The following AAGAB variants were observed in gnomAD, a reference collection of about 807,000 sequenced individuals.
AAGAB encodes the protein alpha- and gamma-adaptin-binding protein p34.
A neutral mutation model predicts 44.1 loss-of-function variants in AAGAB; 38 were observed. The ratio of observed to expected loss-of-function variants is 0.86; its 90% CI spans 0.67 to 1.13. The LOEUF is 1.13. AAGAB is among the 50% of genes most tolerant of loss of function. The pLI, the probability that AAGAB is intolerant of heterozygous loss-of-function variation, is 0.00. For missense variants in AAGAB, 450 were observed against 373.8 expected (o/e 1.20, Z -1.68); for synonymous variants, 131 against 131.8 (o/e 0.99, Z 0.04).
intron 1 of AAGAB, among the ~76,000 whole-genome samples, chr15:67,241,832 A>G (rs1964606979): frequency 6.6e-6 from 1 of 152,186 alleles, no homozygotes; most frequent in African/African-American, 2.4e-5. Flanking sequence ...TGCACTGAGG[A>G]GTTAGTAAGA....
chr15:67,222,242 G>GCGCGCGCGCACACA (rs1367738219), intron 5 of AAGAB, among the ~76,000 whole-genome samples: 2 of 90,044 alleles, frequency 2.2e-5, no homozygotes, highest in African/African-American at 3.8e-5. Flanking sequence ...GCGCGCGCGC[G>GCGCGCGCGCACACA]CACACACACA....
At chr15:67,237,840 T>C (rs1964507000) in intron 1 of AAGAB, among the ~76,000 whole-genome samples, 1 of 152,152 alleles carries the variant, frequency 6.6e-6, no homozygotes. Context: ...ATTAATGAAA[T>C]GTGCCTCAAA....
At chr15:67,229,442 A>G (rs1395312235) in intron 5 of AAGAB, among the ~76,000 whole-genome samples, 1 of 151,990 alleles carries the variant, frequency 6.6e-6, no homozygotes, top group East Asian at 1.9e-4. Flanking sequence ...TAAAAAAAAA[A>G]AAAAAAGAGT....
At chr15:67,222,238 G>A (rs369960592) in intron 5 of AAGAB, among the ~76,000 whole-genome samples, 761 of 45,668 alleles carry the variant, frequency 0.017, 2 homozygotes, top group Non-Finnish European at 0.018. Context: ...GCACGCGCGC[G>A]CGCGCACACA....
intron 5 of AAGAB, among the ~76,000 whole-genome samples, chr15:67,217,892 G>A (rs1342298574): frequency 2.0e-5 from 3 of 152,136 alleles, no homozygotes; most frequent in African/African-American, 4.8e-5. Context: ...TCCTTGAATT[G>A]GAATCTGAGA....
At chr15:67,223,794 AG>A (rs1203350687) in intron 5 of AAGAB, among the ~76,000 whole-genome samples, 1 of 152,210 alleles carries the variant, frequency 6.6e-6, no homozygotes, top group Admixed American at 6.5e-5. Context: ...CAAATAATCT[AG>A]CCCTTCGTTA....
chr15:67,254,950 G>A (rs775030011), upstream of AAGAB: 19 of 1,612,986 alleles, frequency 1.2e-5, no homozygotes, highest in Admixed American at 8.3e-5. Context: ...TAATCCAGGT[G>A]GGAAACGGGC....
intron 1 of AAGAB, among the ~76,000 whole-genome samples, chr15:67,237,286 A>G (rs1215743398): frequency 1.3e-5 from 2 of 152,226 alleles, no homozygotes; most frequent in Non-Finnish European, 2.9e-5. Context: ...AGAGCTACAT[A>G]TATTTCTTGG....
intron 1 of AAGAB, among the ~76,000 whole-genome samples, chr15:67,244,862 A>C (rs1323135430): frequency 6.6e-6 from 1 of 152,130 alleles, no homozygotes; most frequent in African/African-American, 2.4e-5. Context: ...TAGACATTTC[A>C]CCAAAGAAGA....
At chr15:67,215,518 GT>G (rs1337199299) in intron 5 of AAGAB, among the ~76,000 whole-genome samples, 1 of 152,130 alleles carries the variant, frequency 6.6e-6, no homozygotes, top group East Asian at 1.9e-4. Context: ...ATCTTAAGAA[GT>G]TTTTTCCATA....
intron 5 of AAGAB, among the ~76,000 whole-genome samples, chr15:67,226,154 T>C (rs1016698748): frequency 2.0e-5 from 3 of 152,012 alleles, no homozygotes; most frequent in African/African-American, 2.4e-5. Context: ...TTAATACGAA[T>C]TGGGGTCTCA....
upstream of AAGAB, chr15:67,254,848 G>T: frequency 1.3e-6 from 2 of 1,585,494 alleles, no homozygotes; most frequent in South Asian, 1.1e-5. Context: ...GAAGGTTTCC[G>T]TGCTTGGAAA....
intron 6 of AAGAB, 92 bp downstream of exon 6, chr15:67,209,370 G>T: frequency 9.0e-7 from 1 of 1,109,088 alleles, no homozygotes; most frequent in South Asian, 1.3e-5. Context: ...CTTTTAAATG[G>T]AAAGGAAAAC....
rs555474332 is a variant in AAGAB, at chr15:67,232,988, C to T, written c.452-1091G>A. ...TAAGGCAGTTATATAATAAAGTTAT[C>T]CTCACCAATGGAATCTATTTATATT... On this transcript the variant is annotated intron_variant, in intron 4 of 9. Coordinates refer to ENST00000261880, the MANE Select transcript of AAGAB (RefSeq NM_024666.5). 9.9e-5 allele frequency among the ~76,000 whole-genome samples: 15 copies of T among 152,270 alleles called. No individual in the cohort carries two copies. The South Asian group carries it at 1.4e-3, about 15-fold the overall frequency.
At chr15:67,251,322 C>T (rs925532644) in intron 1 of AAGAB, among the ~76,000 whole-genome samples, 4 of 152,094 alleles carry the variant, frequency 2.6e-5, no homozygotes, top group African/African-American at 9.7e-5. Context: ...CAACTCACTA[C>T]AGCCTCGATC....
chr15:67,222,224 A>ACG (rs1161154655), intron 5 of AAGAB, among the ~76,000 whole-genome samples: 46 of 111,962 alleles, frequency 4.1e-4, no homozygotes, highest in South Asian at 2.2e-3. Flanking sequence ...ACATGCATGC[A>ACG]CGCGCACGCG....
intron 3 of AAGAB, 118 bp from the exon 4 acceptor site, chr15:67,236,186 C>T: frequency 1.1e-6 from 1 of 880,094 alleles, no homozygotes; most frequent in Admixed American, 2.7e-5. Flanking sequence ...ATTCTAAAGG[C>T]ATCTAAAATA....
chr15:67,228,474 C>G (rs890640006), intron 5 of AAGAB, among the ~76,000 whole-genome samples: 2 of 152,150 alleles, frequency 1.3e-5, no homozygotes, highest in Admixed American at 6.5e-5. Flanking sequence ...CAGAAAATAA[C>G]GGATGTTGGT....
At chr15:67,205,161 C>T (rs1963657646) in intron 7 of AAGAB, among the ~76,000 whole-genome samples, 1 of 152,222 alleles carries the variant, frequency 6.6e-6, no homozygotes, top group African/African-American at 2.4e-5. Context: ...TTGAACCCAG[C>T]TGTACAGGAC....
Sources: gnomAD v4.1 joint callset for allele counts (sites outside exome capture counted in the v4.1 genomes callset) on GRCh38, gnomAD v4.1.1 for gene constraint, MANE v1.5 for transcripts, NCBI Gene and HGNC (gene_info 2026-07-23, HGNC 2026-07-21) for gene names.